Variants in BTBD9 observed in about 807,000 individuals in gnomAD.
The protein encoded by BTBD9 is BTB/POZ domain-containing protein 9.
Under a neutral mutation model 64.3 loss-of-function variants are expected in BTBD9, and 49 were observed. The observed-to-expected ratio is 0.76, with a 90% CI of 0.61 to 0.97. The LOEUF (loss-of-function observed/expected upper bound fraction) is 0.97, where lower values mean the gene tolerates loss of function less well. BTBD9 is among the 50% of genes least tolerant of loss of function. BTBD9 has a pLI of 0.00. For missense variants in BTBD9, 598 were observed against 762.1 expected (o/e 0.78, Z 2.53); for synonymous variants, 260 against 274.7 (o/e 0.95, Z 0.53).
At chr6:38,433,732 C>T (rs1768566398) in intron 6 of BTBD9, among the ~76,000 whole-genome samples, 1 of 152,000 alleles carries the variant, frequency 6.6e-6, no homozygotes, top group African/African-American at 2.4e-5. Context: ...ACACATGTGA[C>T]ATCTACCATG....
chr6:38,534,475 CAA>C (rs57383061), intron 6 of BTBD9, among the ~76,000 whole-genome samples: 16 of 94,906 alleles, frequency 1.7e-4, no homozygotes, highest in East Asian at 1.5e-3. Flanking sequence ...TCAAACTGTT[CAA>C]AAAAAAAAAA....
At chr6:38,601,053 CAAAA>C (rs70981569) in intron 1 of BTBD9, among the ~76,000 whole-genome samples, 17 of 150,110 alleles carry the variant, frequency 1.1e-4, no homozygotes, top group Admixed American at 6.0e-4. Context: ...TTAAAAACAA[CAAAA>C]AAAAAGATGC....
At chr6:38,521,350 G>T (rs890219268) in intron 6 of BTBD9, among the ~76,000 whole-genome samples, 2 of 152,172 alleles carry the variant, frequency 1.3e-5, no homozygotes, top group Non-Finnish European at 1.5e-5. Flanking sequence ...AAGCACAGGA[G>T]ATGTTAACCA....
intron 8 of BTBD9, among the ~76,000 whole-genome samples, chr6:38,281,126 C>G (rs1170492622): frequency 6.6e-6 from 1 of 152,186 alleles, no homozygotes; most frequent in African/African-American, 2.4e-5. Context: ...ATTGACTAAG[C>G]CTTCATTTGG....
At chr6:38,359,508 A>C (rs1334613084) in intron 6 of BTBD9, among the ~76,000 whole-genome samples, 4 of 152,220 alleles carry the variant, frequency 2.6e-5, no homozygotes, top group Non-Finnish European at 5.9e-5. Context: ...AATCAAAATG[A>C]TGATGGCAGA....
intron 1 of BTBD9, among the ~76,000 whole-genome samples, chr6:38,626,999 T>C (rs762773117): frequency 1.3e-5 from 2 of 152,264 alleles, no homozygotes; most frequent in Non-Finnish European, 2.9e-5. Context: ...CATATTTTAA[T>C]GTTTACGTAA....
chr6:38,481,660 G>A (rs1294575855), intron 6 of BTBD9: 8 of 152,268 alleles, frequency 5.3e-5, no homozygotes, highest in African/African-American at 1.9e-4. Flanking sequence ...GCACCTGGCA[G>A]ATGAGAGAGA....
At chr6:38,227,351 A>G (rs368389645) in intron 9 of BTBD9, among the ~76,000 whole-genome samples, 4 of 152,154 alleles carry the variant, frequency 2.6e-5, no homozygotes, top group African/African-American at 9.7e-5. Context: ...ACATTCTTCT[A>G]TATGCTGGTT....
At chr6:38,465,233 T>C (rs1246366472) in intron 6 of BTBD9, among the ~76,000 whole-genome samples, 1 of 151,864 alleles carries the variant, frequency 6.6e-6, no homozygotes, top group Non-Finnish European at 1.5e-5. Context: ...AGGTTGATGC[T>C]GCAGTGAGCC....
At chr6:38,247,482 G>A (rs923729229) in intron 9 of BTBD9, among the ~76,000 whole-genome samples, 1 of 152,220 alleles carries the variant, frequency 6.6e-6, no homozygotes. Flanking sequence ...GTCTTTCCAG[G>A]TGACAGGGAG....
At chr6:38,260,036 G>C (rs1233671334) in intron 8 of BTBD9, among the ~76,000 whole-genome samples, 1 of 152,100 alleles carries the variant, frequency 6.6e-6, no homozygotes, top group Non-Finnish European at 1.5e-5. Flanking sequence ...GTCAGCCTAT[G>C]CTAATTTATA....
intron 6 of BTBD9, among the ~76,000 whole-genome samples, chr6:38,367,675 T>G (rs1458140466): frequency 6.6e-6 from 1 of 152,028 alleles, no homozygotes; most frequent in African/African-American, 2.4e-5. Context: ...TCTTTATCAA[T>G]GGGCAGATAG....
At chr6:38,322,036 T>C (rs1490672022) in intron 7 of BTBD9, among the ~76,000 whole-genome samples, 1 of 151,846 alleles carries the variant, frequency 6.6e-6, no homozygotes, top group Admixed American at 6.6e-5. Flanking sequence ...TATTAGTATA[T>C]GAGACAAAAT....
intron 9 of BTBD9, among the ~76,000 whole-genome samples, chr6:38,229,862 T>G (rs551436213): frequency 1.3e-5 from 2 of 152,294 alleles, no homozygotes; most frequent in East Asian, 3.9e-4. Context: ...ATTTATCACA[T>G]TAGTCATCCC....
At chr6:38,445,538 A>G (rs1432080502) in intron 6 of BTBD9, among the ~76,000 whole-genome samples, 4 of 152,260 alleles carry the variant, frequency 2.6e-5, no homozygotes, top group African/African-American at 9.6e-5. Context: ...GTCTAGTATT[A>G]TCATTTTATT....
At chr6:38,624,982 A>G (rs1048324302) in intron 1 of BTBD9, among the ~76,000 whole-genome samples, 2 of 152,102 alleles carry the variant, frequency 1.3e-5, no homozygotes, top group African/African-American at 4.8e-5. Flanking sequence ...TTTTATTCTA[A>G]CCTTTTTCCA....
chr6:38,213,637 A>G (rs1004278147), intron 9 of BTBD9, among the ~76,000 whole-genome samples: 5 of 152,152 alleles, frequency 3.3e-5, no homozygotes, highest in African/African-American at 7.2e-5. Context: ...GCATGTAACA[A>G]TCTTTCTTCT....
intron 6 of BTBD9, among the ~76,000 whole-genome samples, chr6:38,573,255 T>C (rs1775858970): frequency 2.0e-5 from 3 of 152,200 alleles, no homozygotes; most frequent in African/African-American, 7.2e-5. Context: ...AGGGGCATTT[T>C]TACATGCAAT....
At chr6:38,580,773 AT>A (rs994798095) in intron 4 of BTBD9, among the ~76,000 whole-genome samples, 5 of 152,208 alleles carry the variant, frequency 3.3e-5, no homozygotes, top group Non-Finnish European at 4.4e-5. Context: ...TAAATGTAAT[AT>A]TAGTATCACA....
Sources: allele counts gnomAD v4.1 joint callset (sites outside exome capture counted in the v4.1 genomes callset), GRCh38; gene constraint gnomAD v4.1.1; transcripts MANE v1.5; gene names NCBI Gene and HGNC (gene_info 2026-07-23, HGNC 2026-07-21).